Variants in OSBPL11 observed in about 807,000 individuals in gnomAD.
OSBPL11 encodes the protein oxysterol-binding protein-related protein 11.
OSBPL11 carries 33 observed loss-of-function variants against 84.4 expected under a neutral mutation model. That is an observed-to-expected ratio of 0.39 (90% CI 0.30 to 0.52). The LOEUF (loss-of-function observed/expected upper bound fraction) is 0.52, where lower values mean the gene tolerates loss of function less well. OSBPL11 is among the 20% of genes least tolerant of loss of function. The pLI, the probability that OSBPL11 is intolerant of heterozygous loss-of-function variation, is 0.72. For synonymous variants in OSBPL11, 276 were observed against 310.2 expected (o/e 0.89, Z 1.16); for missense variants, 736 against 901.1 (o/e 0.82, Z 2.35).
intron 11 of OSBPL11, among the ~76,000 whole-genome samples, chr3:125,534,956 A>G (rs1935618557): frequency 8.4e-6 from 1 of 118,376 alleles, no homozygotes; most frequent in African/African-American, 3.2e-5. Context: ...AATTAGAAAA[A>G]AAAAAAAAAA....
intron 5 of OSBPL11, among the ~76,000 whole-genome samples, chr3:125,574,890 G>A (rs1344029792): frequency 6.6e-6 from 1 of 152,128 alleles, no homozygotes; most frequent in Non-Finnish European, 1.5e-5. Flanking sequence ...TCAAAGTGCA[G>A]GACAGACCAA....
chr3:125,577,451 A>G (rs1399760308), intron 4 of OSBPL11, among the ~76,000 whole-genome samples: 2 of 152,216 alleles, frequency 1.3e-5, no homozygotes, highest in East Asian at 3.8e-4. Flanking sequence ...CAAAACCACA[A>G]TAAGATTCCA....
At chr3:125,567,249 C>A in intron 6 of OSBPL11, 145 bp downstream of exon 6, 1 of 676,642 alleles carries the variant, frequency 1.5e-6, no homozygotes, top group East Asian at 2.7e-5. Flanking sequence ...TGTATAACAT[C>A]AGCATGATAA....
intron 5 of OSBPL11, among the ~76,000 whole-genome samples, chr3:125,574,117 T>C (rs969820155): frequency 2.0e-5 from 3 of 152,140 alleles, no homozygotes; most frequent in Admixed American, 6.6e-5. Flanking sequence ...TTTATAAGAA[T>C]TCAAAGAAGT....
Position 125,594,866 on chromosome 3 carries a change from C to CTTT in OSBPL11, c.-69_-67dup. 1 of 1,223,234 alleles carries CTTT rather than the reference C, an allele frequency of 8.2e-7. No individual in the cohort carries two copies. Among genetic ancestry groups the CTTT allele is most frequent in the South Asian group, 1.6e-5 (1 of 60,732 alleles). The allele number at this position is 1,223,234 out of a possible 1,614,324, so 75.8% of individuals were successfully genotyped here. A position where few individuals can be genotyped will look rare whatever the true frequency, so the allele number is the denominator to read the frequency against. On this transcript the variant is annotated 5_prime_UTR_variant, in exon 1 of 13. Coordinates refer to ENST00000296220, the MANE Select transcript of OSBPL11 (RefSeq NM_022776.5). ...AACAATTCTGTAGTTCTGTAGGTGA[C>CTTT]TTTTTTTTTTTAAGATTTGATCTGA...
At position 125,576,378 on chromosome 3, in the gene OSBPL11, G is replaced by C. The variant is rs1224435905; in HGVS notation, c.490-13C>G. ...GAGGAGGATTATTCTGTTAGACAAAGAAAATCATTCCTTTTGTTTTCTTCT... is the reference window on the plus strand; with the variant it reads ...GAGGAGGATTATTCTGTTAGACAAACAAAATCATTCCTTTTGTTTTCTTCT... On this transcript the variant is annotated splice_polypyrimidine_tract_variant and intron_variant, in intron 4 of 12. Transcript: ENST00000296220. The C allele has an allele frequency of 2.6e-6, 4 of 1,537,522 alleles. No homozygotes were observed. The highest frequency in any genetic ancestry group is 1.7e-4 in the Middle Eastern group (1 of 5,804).
intron 1 of OSBPL11, among the ~76,000 whole-genome samples, chr3:125,583,581 CAAAAAAAAA>C (rs57151123): frequency 4.5e-5 from 2 of 44,918 alleles, no homozygotes; most frequent in Non-Finnish European, 8.7e-5. Flanking sequence ...ACTCCGTCTC[CAAAAAAAAA>C]AAAAAAAAAA....
Position 125,584,416 on chromosome 3 carries a change from G to T in OSBPL11, c.165-1438C>A, listed in dbSNP as rs369695704. Among the ~76,000 whole-genome samples the T allele has an allele frequency of 1.3e-4, 20 of 152,198 alleles. 1 individual carries two copies. The South Asian group carries it at 2.5e-3, about 19-fold the overall frequency. On this transcript the variant is annotated intron_variant, in intron 1 of 12. Transcript: ENST00000296220. ...GAAAAACTTACTCTTTCTCCATTCT[G>T]TCCAGTTGCTCCATAATCTGAATAT... is the stretch of plus-strand genomic sequence containing the variant.
At chr3:125,539,344 TA>T (rs1553732063) in intron 10 of OSBPL11, among the ~76,000 whole-genome samples, 1 of 104,976 alleles carries the variant, frequency 9.5e-6, no homozygotes, top group Non-Finnish European at 2.0e-5. Flanking sequence ...TATATATATA[TA>T]ATAGCTATAT....
chr3:125,591,750 A>G (rs531932653), intron 1 of OSBPL11, among the ~76,000 whole-genome samples: 1 of 152,346 alleles, frequency 6.6e-6, no homozygotes, highest in Non-Finnish European at 1.5e-5. Flanking sequence ...TAGTAGATAC[A>G]CTATCTCACA....
chr3:125,572,767 G>T (rs888269954), intron 5 of OSBPL11, among the ~76,000 whole-genome samples: 1 of 149,424 alleles, frequency 6.7e-6, no homozygotes, highest in Non-Finnish European at 1.5e-5. Context: ...ACCCAGTCTC[G>T]GGTATGTCTT....
At chr3:125,543,500 G>C (rs1489860036) in intron 10 of OSBPL11, among the ~76,000 whole-genome samples, 1 of 152,068 alleles carries the variant, frequency 6.6e-6, no homozygotes, top group Non-Finnish European at 1.5e-5. Flanking sequence ...TTTTAAATGT[G>C]ACCATCAATA....
intron 6 of OSBPL11, among the ~76,000 whole-genome samples, chr3:125,566,171 A>C (rs1025244535): frequency 6.6e-6 from 1 of 151,878 alleles, no homozygotes; most frequent in Admixed American, 6.6e-5. Context: ...ATGCCCAGCT[A>C]ATTTTTGTAC....
intron 4 of OSBPL11, 144 bp from the exon 5 acceptor site, chr3:125,576,509 A>C (rs1002354267): frequency 2.8e-5 from 16 of 570,738 alleles, no homozygotes; most frequent in Non-Finnish European, 4.3e-5. Flanking sequence ...AACATTTCCA[A>C]AGATAAAAAT....
chr3:125,594,607 CG>C (rs1936650626), intron 1 of OSBPL11, 29 bp downstream of exon 1: 1 of 1,603,560 alleles, frequency 6.2e-7, no homozygotes, highest in African/African-American at 1.3e-5. Context: ...ACCTCCACCT[CG>C]GGAAATAATT....
intron 8 of OSBPL11, among the ~76,000 whole-genome samples, chr3:125,555,179 G>C (rs1212900389): frequency 6.6e-6 from 1 of 152,158 alleles, no homozygotes; most frequent in Non-Finnish European, 1.5e-5. Context: ...CCTGCTGGAT[G>C]CTTCCTGCCC....
intron 9 of OSBPL11, among the ~76,000 whole-genome samples, chr3:125,551,842 AG>A (rs1261403220): frequency 2.0e-5 from 3 of 152,236 alleles, no homozygotes; most frequent in Non-Finnish European, 4.4e-5. Context: ...ATTTAAAAAG[AG>A]AATTTACATT....
chr3:125,562,340 C>G (rs1444825877), intron 7 of OSBPL11, among the ~76,000 whole-genome samples: 3 of 152,068 alleles, frequency 2.0e-5, no homozygotes, highest in Admixed American at 2.0e-4. Flanking sequence ...TTGTACTTGC[C>G]ATATACTAAG....
chr3:125,537,119 G>A (rs1050672287), intron 11 of OSBPL11, among the ~76,000 whole-genome samples: 22 of 133,338 alleles, frequency 1.6e-4, no homozygotes, highest in South Asian at 2.4e-4. Context: ...GAGATCGCCC[G>A]ACCACACTCC....
Sources: gnomAD v4.1 joint callset for allele counts (sites outside exome capture counted in the v4.1 genomes callset) on GRCh38, gnomAD v4.1.1 for gene constraint, MANE v1.5 for transcripts, NCBI Gene and HGNC (gene_info 2026-07-23, HGNC 2026-07-21) for gene names.